Variants in ITSN1 observed in about 807,000 individuals in gnomAD.
The protein encoded by ITSN1 is intersectin 1.
ITSN1 carries 58 observed loss-of-function variants against 239.8 expected under a neutral mutation model. The ratio of observed to expected loss-of-function variants is 0.24; its 90% CI spans 0.20 to 0.30. ITSN1 has a LOEUF of 0.30. Among genes scored for constraint, ITSN1 ranks in the 10% least tolerant of loss-of-function variants. The pLI is 1.00. For synonymous variants in ITSN1, 780 were observed against 770.8 expected (o/e 1.01, Z -0.20); for missense variants, 1,558 against 2,103.3 (o/e 0.74, Z 5.07).
At chr21:33,711,920 A>G (rs1313312196) in intron 1 of ITSN1, among the ~76,000 whole-genome samples, 1 of 152,064 alleles carries the variant, frequency 6.6e-6, no homozygotes, top group Admixed American at 6.6e-5. Flanking sequence ...TATTTTAAAG[A>G]CCCTAATAGG....
chr21:33,866,933 T>TAAAGCCAGAATCTCATCTCTGTGC (rs149570363), intron 32 of ITSN1, among the ~76,000 whole-genome samples: 9,623 of 152,192 alleles, frequency 0.063, 395 homozygotes, highest in East Asian at 0.076. Context: ...ATATTCTGTG[T>TAAAGCCAGAATCTCATCTCTGTGC]AAAGCCAGAA....
chr21:33,734,392 AC>A (rs1266613851), intron 4 of ITSN1, among the ~76,000 whole-genome samples: 2 of 152,242 alleles, frequency 1.3e-5, no homozygotes, highest in African/African-American at 4.8e-5. Flanking sequence ...AATAGCAGAC[AC>A]ATTTTGTAAG....
intron 18 of ITSN1, among the ~76,000 whole-genome samples, chr21:33,799,443 A>G (rs2071808704): frequency 6.6e-6 from 1 of 152,172 alleles, no homozygotes; most frequent in Admixed American, 6.5e-5. Context: ...TAACTGCTAC[A>G]TTGTACTCAA....
rs117858582 is a variant in ITSN1 at position 33,868,060 on chromosome 21, A to G, written c.4173+729A>G. ...AGAACAAAGCTTCCACGGTGTGGAAAGGGACCGAGCCGGTTGCCACTGCTG... is the reference window on the plus strand; with the variant it reads ...AGAACAAAGCTTCCACGGTGTGGAAGGGGACCGAGCCGGTTGCCACTGCTG... On this transcript the variant is annotated intron_variant, in intron 33 of 39. Transcript: ENST00000381318. Among the ~76,000 whole-genome samples, 927 of 152,304 alleles carry G rather than the reference A, an allele frequency of 6.1e-3. 2 individuals are homozygous for G. The highest frequency in any genetic ancestry group is 0.011 in the Non-Finnish European group (765 of 68,018).
Position 33,899,051 on chromosome 21 carries a change from C to A in ITSN1, c.*10751C>A, listed in dbSNP as rs1986948615. The A allele has an allele frequency of 6.6e-6, 1 of 152,252 alleles. No individual in the cohort carries two copies. Among genetic ancestry groups the A allele is most frequent in the Admixed American group, 6.5e-5 (1 of 15,280 alleles). 9.4% of individuals were successfully genotyped at this position (152,252 alleles called of 1,614,324 possible). ...GCAGAGGAGATGAGCTCTGGTCTAC[C>A]AACCCCAAACAGGCCCTGACTCTCC... On this transcript the variant is annotated 3_prime_UTR_variant, in exon 40 of 40. Transcript: ENST00000381318.
At position 33,890,571 on chromosome 21, in the gene ITSN1, G is replaced by A. The variant is rs1160683605; in HGVS notation, c.*2271G>A. ...TGGATTAGTGTCCTTGTATTTACTG[G>A]TGTAATTTGTAATGTAACCAATTGT... On this transcript the variant is annotated 3_prime_UTR_variant, in exon 40 of 40. Coordinates refer to ENST00000381318, the MANE Select transcript of ITSN1 (RefSeq NM_003024.3). 1 of 152,172 alleles carries A rather than the reference G, an allele frequency of 6.6e-6. No homozygotes were observed. Among genetic ancestry groups the A allele is most frequent in the African/African-American group, 2.4e-5 (1 of 41,422 alleles). The allele number at this position is 152,172 out of a possible 1,614,324, so 9.4% of individuals were successfully genotyped here.
At position 33,806,422 on chromosome 21, in the gene ITSN1, C is replaced by G. The variant is rs543422201; in HGVS notation, c.2319+3978C>G. On this transcript the variant is annotated intron_variant, in intron 20 of 39. Transcript: ENST00000381318. ...GGGAAAAAGGAATTTCTGCTTCCCCCCTTTGTGACAAGGTCAGAGATTTTA... is the reference window on the plus strand; with the variant it reads ...GGGAAAAAGGAATTTCTGCTTCCCCGCTTTGTGACAAGGTCAGAGATTTTA... Among the ~76,000 whole-genome samples, 253 of 152,294 alleles carry G rather than the reference C, an allele frequency of 1.7e-3. 4 individuals carry two copies. In the South Asian group the frequency reaches 0.019, roughly 11 times the overall value.
Position 33,651,860 on chromosome 21 carries a change from A to C in ITSN1, c.-33+9147A>C, listed in dbSNP as rs1004808251. On this transcript the variant is annotated intron_variant, in intron 1 of 39. Transcript: ENST00000381318. ...TAATCGTAACCTTACTTTAATTCTTAGTTCAATTAGTTTTAAACCACAGTC... is the reference window on the plus strand; with the variant it reads ...TAATCGTAACCTTACTTTAATTCTTCGTTCAATTAGTTTTAAACCACAGTC... Among the ~76,000 whole-genome samples the C allele has an allele frequency of 3.3e-5, 5 of 152,216 alleles. No individual in the cohort carries two copies. In the South Asian group the frequency reaches 1.0e-3, roughly 31 times the overall value.
chr21:33,734,216 A>G (rs747791603), intron 4 of ITSN1, among the ~76,000 whole-genome samples: 3 of 152,210 alleles, frequency 2.0e-5, no homozygotes, highest in Non-Finnish European at 4.4e-5. Context: ...CACAGTTTTG[A>G]TGATATAATG....
intron 1 of ITSN1, among the ~76,000 whole-genome samples, chr21:33,705,260 G>A (rs1317874186): frequency 6.6e-6 from 1 of 151,944 alleles, no homozygotes; most frequent in Non-Finnish European, 1.5e-5. Flanking sequence ...ATAAGATGTA[G>A]GAAAGATATT....
At chr21:33,643,479 T>G (rs1310191125) in intron 1 of ITSN1, 1 of 152,050 alleles carries the variant, frequency 6.6e-6, no homozygotes, top group African/African-American at 2.4e-5. Flanking sequence ...CGGCCGCACC[T>G]TCCTGCGCTT....
At chr21:33,773,508 G>T (rs544544566) in intron 12 of ITSN1, among the ~76,000 whole-genome samples, 1 of 152,008 alleles carries the variant, frequency 6.6e-6, no homozygotes, top group East Asian at 1.9e-4. Flanking sequence ...GGAATTTTTC[G>T]ATGTAAAAAA....
At chr21:33,859,615 C>T (rs1189597411) in intron 31 of ITSN1, among the ~76,000 whole-genome samples, 1 of 152,124 alleles carries the variant, frequency 6.6e-6, no homozygotes, top group East Asian at 1.9e-4. Context: ...CAGAGCCTTG[C>T]GTCCATTCCT....
chr21:33,645,114 A>G (rs1197939591), intron 1 of ITSN1, among the ~76,000 whole-genome samples: 1 of 152,200 alleles, frequency 6.6e-6, no homozygotes, highest in African/African-American at 2.4e-5. Flanking sequence ...ATGAGCCACC[A>G]TGCTTCGTCC....
intron 5 of ITSN1, among the ~76,000 whole-genome samples, chr21:33,746,638 C>T (rs760288431): frequency 2.0e-5 from 3 of 151,920 alleles, no homozygotes; most frequent in Non-Finnish European, 2.9e-5. Flanking sequence ...GTAGAGAGTT[C>T]GAGACCCACC....
intron 9 of ITSN1, among the ~76,000 whole-genome samples, chr21:33,763,229 CAA>C (rs71322243): frequency 0.022 from 1,568 of 69,870 alleles, 17 homozygotes; most frequent in African/African-American, 0.061. Context: ...GCCCCCCAAC[CAA>C]AAAAAAAAAA....
At chr21:33,849,799 C>G (rs973786055) in intron 29 of ITSN1, among the ~76,000 whole-genome samples, 1 of 152,120 alleles carries the variant, frequency 6.6e-6, no homozygotes, top group African/African-American at 2.4e-5. Flanking sequence ...ACAATGTACC[C>G]ACAAAACTTA....
At chr21:33,690,117 C>T (rs2091440421) in intron 1 of ITSN1, among the ~76,000 whole-genome samples, 1 of 149,918 alleles carries the variant, frequency 6.7e-6, no homozygotes, top group African/African-American at 2.5e-5. Context: ...AACCTCATCT[C>T]TACCAAAAAT....
At chr21:33,825,963 T>G (rs1378476094) in intron 25 of ITSN1, among the ~76,000 whole-genome samples, 2 of 152,230 alleles carry the variant, frequency 1.3e-5, no homozygotes, top group Non-Finnish European at 2.9e-5. Flanking sequence ...TTTTGTTTTG[T>G]TTTAATTGGA....
Sources: gnomAD v4.1 joint callset for allele counts (sites outside exome capture counted in the v4.1 genomes callset) on GRCh38, gnomAD v4.1.1 for gene constraint, MANE v1.5 for transcripts, NCBI Gene and HGNC (gene_info 2026-07-23, HGNC 2026-07-21) for gene names.